Variants in RGL1 observed in about 807,000 individuals in gnomAD.
RGL1 encodes the protein ral guanine nucleotide dissociation stimulator-like 1.
In RGL1, 24 loss-of-function variants were observed where a neutral mutation model predicts 95.2. The ratio of observed to expected loss-of-function variants is 0.25; its 90% confidence interval spans 0.18 to 0.35. The LOEUF (loss-of-function observed/expected upper bound fraction) is 0.35, where lower values mean the gene tolerates loss of function less well. Ranked by LOEUF, RGL1 falls within the 10% of genes least tolerant of loss-of-function variation. RGL1 has a pLI of 1.00. For missense variants in RGL1, 715 were observed against 936.3 expected, an observed-to-expected ratio of 0.76 and a Z score of 3.08; for synonymous variants, 329 against 344.9, an observed-to-expected ratio of 0.95 and a Z score of 0.51.
intron 3 of RGL1, among the ~76,000 whole-genome samples, chr1:183,863,691 A>G (rs1665656052): frequency 3.3e-5 from 5 of 152,178 alleles, no homozygotes; most frequent in Admixed American, 3.3e-4. Context: ...AGGGCAGAGC[A>G]AAAAGGATTT....
rs948702190 is a variant in RGL1, at chr1:183,912,721, G to A, written c.1749+453G>A. ...ATCTGCTGGTTGGCTGATCTAGGTT[G>A]GGCTTGACACTAGGCCACAGATTTG... On this transcript the variant is annotated intron_variant, in intron 15 of 17. Coordinates refer to ENST00000360851, the MANE Select transcript of RGL1 (RefSeq NM_001297671.3). Among the ~76,000 whole-genome samples the A allele has an allele frequency of 5.9e-5, 9 of 152,264 alleles. No individual in the cohort carries two copies. In the South Asian group the frequency reaches 1.9e-3, roughly 32 times the overall value.
chr1:183,660,530 C>T lies in RGL1; in HGVS notation c.-33+24029C>T, dbSNP rs1025941062. Among the ~76,000 whole-genome samples, 7 of 151,334 alleles carry T rather than the reference C, an allele frequency of 4.6e-5. 1 individual carries two copies. Among genetic ancestry groups the T allele is most frequent in the Non-Finnish European group, 8.8e-5 (6 of 67,988 alleles). On this transcript the variant is annotated intron_variant, in intron 1 of 18. Transcript: ENST00000304685. Reference sequence around the variant, plus strand: ...TAACTATCCTAAATATATATACACCCAATACAGGACCACCCAGATTCATAA... The same window carrying T: ...TAACTATCCTAAATATATATACACCTAATACAGGACCACCCAGATTCATAA...
chr1:183,892,080 C>T lies in RGL1; in HGVS notation c.1059C>T (p.Asp353=). The change falls in exon 9 of 18, where the codon GAC becomes GAT. Residue 353 remains aspartate, a synonymous_variant. Coordinates refer to ENST00000360851, the MANE Select transcript of RGL1 (RefSeq NM_001297671.3). Reference sequence around the variant, plus strand: ...TTTTCTTAATCCCTTTTCATAGGGACCGAATGCTGATGTTTGAAGAACTTT... The same window carrying T: ...TTTTCTTAATCCCTTTTCATAGGGATCGAATGCTGATGTTTGAAGAACTTT... The part of the protein sequence containing the change: ...LKKTWAAVPR[D]RMLMFEELSD... The T allele has an allele frequency of 6.2e-7, 1 of 1,611,044 alleles. No homozygotes were observed. Among genetic ancestry groups the T allele is most frequent in the Non-Finnish European group, 8.5e-7 (1 of 1,177,918 alleles).
At chr1:183,684,991 G>A (rs890197887) in intron 1 of RGL1, among the ~76,000 whole-genome samples, 2 of 152,216 alleles carry the variant, frequency 1.3e-5, no homozygotes, top group Non-Finnish European at 2.9e-5. Flanking sequence ...CCCGCCTTCT[G>A]CGTTGATCTT....
At chr1:183,786,378 A>G (rs539619483) in intron 2 of RGL1, among the ~76,000 whole-genome samples, 1 of 152,330 alleles carries the variant, frequency 6.6e-6, no homozygotes, top group Admixed American at 6.5e-5. Flanking sequence ...AACCTGGGTG[A>G]CAGACTAAAA....
chr1:183,759,925 C>A (rs1658563759), intron 2 of RGL1, among the ~76,000 whole-genome samples: 1 of 152,306 alleles, frequency 6.6e-6, no homozygotes, highest in South Asian at 2.1e-4. Context: ...GGGTTAGTGA[C>A]CCTCCTGTGT....
chr1:183,892,133 A>G lies in RGL1; in HGVS notation c.1112A>G (p.His371Arg). Residue 371 changes from histidine (H) to arginine (R), a missense_variant, in exon 9 of 18, where the codon CAT (histidine) becomes CGT (arginine). His to Arg is a conservative substitution (Grantham distance 29, BLOSUM62 0). Around this residue, in one of 3 missense-constraint regions of RGL1, gnomAD observed 381 missense variants for 484.8 expected, o/e 0.79. Transcript: ENST00000360851. ...GATATCTTCTCAGACCATAATAACC[A>G]TTTGACCAGCCGAGAACTACTGATG... ...LSDIFSDHNN[H>R]LTSRELLMKE... 1 of 1,612,856 alleles carries G rather than the reference A, an allele frequency of 6.2e-7. No homozygotes were observed. Among genetic ancestry groups the G allele is most frequent in the East Asian group, 2.2e-5 (1 of 44,848 alleles).
intron 1 of RGL1, among the ~76,000 whole-genome samples, chr1:183,723,648 A>T (rs1458478254): frequency 6.6e-6 from 1 of 152,188 alleles, no homozygotes; most frequent in Non-Finnish European, 1.5e-5. Context: ...TATCCATCCT[A>T]GCAGTGGGAA....
intron 1 of RGL1, among the ~76,000 whole-genome samples, chr1:183,738,738 TA>T (rs1657102600): frequency 6.6e-6 from 1 of 151,392 alleles, no homozygotes; most frequent in African/African-American, 2.4e-5. Flanking sequence ...TCGTCTCTGT[TA>T]AAAATACAAA....
chr1:183,690,972 G>T (rs573482110), intron 1 of RGL1, among the ~76,000 whole-genome samples: 88 of 152,162 alleles, frequency 5.8e-4, no homozygotes, highest in Non-Finnish European at 9.6e-4. Flanking sequence ...GGTTTATGTT[G>T]TATATATCCT....
chr1:183,908,245 A>G (rs2102719212), intron 14 of RGL1, among the ~76,000 whole-genome samples: 1 of 152,238 alleles, frequency 6.6e-6, no homozygotes, highest in East Asian at 1.9e-4. Context: ...AGTGAGTCAC[A>G]TTGAGACACA....
intron 1 of RGL1, among the ~76,000 whole-genome samples, chr1:183,667,405 A>G (rs1572249274): frequency 6.6e-6 from 1 of 151,960 alleles, no homozygotes; most frequent in Non-Finnish European, 1.5e-5. Flanking sequence ...GCTCACCGCA[A>G]CCTCTGCCTC....
At chr1:183,703,733 G>A (rs1413042536) in intron 1 of RGL1, among the ~76,000 whole-genome samples, 1 of 152,234 alleles carries the variant, frequency 6.6e-6, no homozygotes, top group East Asian at 1.9e-4. Context: ...GGTGGGATGT[G>A]AGTGAAGTCT....
chr1:183,878,079 A>G (rs1420338778), intron 4 of RGL1, among the ~76,000 whole-genome samples: 1 of 152,200 alleles, frequency 6.6e-6, no homozygotes, highest in Non-Finnish European at 1.5e-5. Flanking sequence ...AGAAACAATA[A>G]GATAGATCTA....
chr1:183,643,499 G>A (rs1177162273), intron 1 of RGL1, among the ~76,000 whole-genome samples: 6 of 152,076 alleles, frequency 3.9e-5, no homozygotes, highest in Non-Finnish European at 2.9e-5. Context: ...CACCATGTTA[G>A]CCAGGATGGT....
intron 9 of RGL1, among the ~76,000 whole-genome samples, chr1:183,895,095 A>T (rs932178946): frequency 2.6e-5 from 4 of 152,220 alleles, no homozygotes; most frequent in African/African-American, 9.6e-5. Context: ...AGCCCCAGAA[A>T]TTCAACCCTG....
At chr1:183,741,706 A>G (rs539681859) in intron 1 of RGL1, among the ~76,000 whole-genome samples, 1 of 152,324 alleles carries the variant, frequency 6.6e-6, no homozygotes, top group South Asian at 2.1e-4. Context: ...TGCATAATAG[A>G]TGTTTGAAGA....
intron 2 of RGL1, among the ~76,000 whole-genome samples, chr1:183,776,141 A>ATTTTTTTTTTTTT: frequency 1.1e-5 from 1 of 88,800 alleles, no homozygotes; most frequent in Non-Finnish European, 2.1e-5. Flanking sequence ...GGGAATACAG[A>ATTTTTTTTTTTTT]TTTTTTTTTT....
rs1659363250 is a variant in RGL1 at position 183,772,914 on chromosome 1, C to G, written c.132+30625C>G. ...GTCCCAGCTACTGGGGAGGCTGAGGCAGGAGAATGGCGTGAACCCGGGAAG... is the reference window on the plus strand; with the variant it reads ...GTCCCAGCTACTGGGGAGGCTGAGGGAGGAGAATGGCGTGAACCCGGGAAG... On this transcript the variant is annotated intron_variant, in intron 2 of 18. Transcript: ENST00000304685. 2.7e-5 allele frequency among the ~76,000 whole-genome samples: 4 copies of G among 147,652 alleles called. No individual in the cohort carries two copies. In the Admixed American group the frequency reaches 2.8e-4, roughly 10 times the overall value.
Sources: gnomAD v4.1 joint callset for allele counts (sites outside exome capture counted in the v4.1 genomes callset) on GRCh38, gnomAD v4.1.1 for gene constraint, gnomAD v4.1.1 regional missense constraint, MANE v1.5 for transcripts, NCBI Gene and HGNC (gene_info 2026-07-23, HGNC 2026-07-21) for gene names.